Variants in RALGAPA2 observed in about 807,000 individuals in gnomAD.
RALGAPA2 encodes ral GTPase-activating protein subunit alpha-2.
In RALGAPA2, 139 loss-of-function variants were observed where a neutral mutation model predicts 230.4. The observed-to-expected ratio is 0.60, with a 90% CI of 0.53 to 0.69. RALGAPA2 has a LOEUF of 0.69. RALGAPA2 is among the 30% of genes least tolerant of loss of function. The pLI, the probability that RALGAPA2 is intolerant of heterozygous loss-of-function variation, is 0.00. For synonymous variants in RALGAPA2, 847 were observed against 837.8 expected (o/e 1.01, Z -0.19); for missense variants, 2,163 against 2,276.0 (o/e 0.95, Z 1.01).
intron 23 of RALGAPA2, among the ~76,000 whole-genome samples, chr20:20,564,116 C>T (rs2145860068): frequency 6.6e-6 from 1 of 152,322 alleles, no homozygotes; most frequent in South Asian, 2.1e-4. Flanking sequence ...CCTTCAACAG[C>T]TCCCCACTGT....
At chr20:20,543,090 G>A (rs901023269) in intron 24 of RALGAPA2, among the ~76,000 whole-genome samples, 41 of 152,036 alleles carry the variant, frequency 2.7e-4, no homozygotes, top group Non-Finnish European at 4.7e-4. Flanking sequence ...TGTCACCCAG[G>A]CTAGAGTGCA....
chr20:20,413,790 G>A (rs1358443189), intron 37 of RALGAPA2, among the ~76,000 whole-genome samples: 1 of 152,196 alleles, frequency 6.6e-6, no homozygotes, highest in Non-Finnish European at 1.5e-5. Context: ...TTATATAGAT[G>A]GGCACAACCG....
At chr20:20,406,950 T>C (rs1286945768) in intron 38 of RALGAPA2, among the ~76,000 whole-genome samples, 1 of 152,194 alleles carries the variant, frequency 6.6e-6, no homozygotes, top group Non-Finnish European at 1.5e-5. Flanking sequence ...AAAATTTGAC[T>C]CTGGCCTTTA....
At chr20:20,544,664 T>G (rs1045109473) in intron 24 of RALGAPA2, among the ~76,000 whole-genome samples, 1 of 152,188 alleles carries the variant, frequency 6.6e-6, no homozygotes, top group Non-Finnish European at 1.5e-5. Context: ...ATGTGGCATA[T>G]ATATACCATG....
At chr20:20,544,293 G>A (rs1482161501) in intron 24 of RALGAPA2, among the ~76,000 whole-genome samples, 2 of 151,396 alleles carry the variant, frequency 1.3e-5, no homozygotes, top group Non-Finnish European at 2.9e-5. Flanking sequence ...ATGGTGGCGG[G>A]TGCCTGTAGT....
At chr20:20,636,965 C>T (rs1163974565) in intron 8 of RALGAPA2, among the ~76,000 whole-genome samples, 3 of 152,178 alleles carry the variant, frequency 2.0e-5, no homozygotes, top group African/African-American at 7.2e-5. Flanking sequence ...AAAAGGCATA[C>T]AATGGCAGCT....
chr20:20,405,623 CT>C (rs2059929368), intron 38 of RALGAPA2, among the ~76,000 whole-genome samples: 1 of 152,212 alleles, frequency 6.6e-6, no homozygotes, highest in African/African-American at 2.4e-5. Flanking sequence ...TAAAGTGGTG[CT>C]AAACAAGGTG....
chr20:20,524,545 T>C lies in RALGAPA2; in HGVS notation c.3763-2A>G. 6.2e-7 allele frequency: 1 copy of C among 1,613,812 alleles called. No individual in the cohort carries two copies. The highest frequency in any genetic ancestry group is 1.3e-5 in the African/African-American group (1 of 75,010). On this transcript the variant is annotated splice_acceptor_variant, in intron 29 of 39. Transcript: ENST00000202677. LOFTEE classifies it high-confidence loss of function. ...GCAGAGTAGCAAGGACACAATAAAC[T>C]GGAAGAAGAACATGCCCGGTAGCTT...
chr20:20,399,202 C>A (rs759670841), intron 38 of RALGAPA2, among the ~76,000 whole-genome samples: 24 of 152,094 alleles, frequency 1.6e-4, no homozygotes, highest in Non-Finnish European at 2.1e-4. Context: ...AAAAAATCAG[C>A]TGGGTGTGGT....
At chr20:20,455,912 G>C (rs77261936) in intron 37 of RALGAPA2, among the ~76,000 whole-genome samples, 2,553 of 152,268 alleles carry the variant, frequency 0.017, 97 homozygotes, top group East Asian at 0.15. Flanking sequence ...CAAAACTCAT[G>C]ATTTTTGAAA....
intron 37 of RALGAPA2, among the ~76,000 whole-genome samples, chr20:20,466,389 C>T (rs916510287): frequency 2.0e-5 from 3 of 152,208 alleles, no homozygotes; most frequent in African/African-American, 4.8e-5. Context: ...GGTCTGCCCA[C>T]TCTGGTTTTT....
At chr20:20,641,040 C>T (rs1340207327) in intron 5 of RALGAPA2, among the ~76,000 whole-genome samples, 162 bp from the exon 6 acceptor site, 1 of 152,194 alleles carries the variant, frequency 6.6e-6, no homozygotes, top group Middle Eastern at 3.2e-3. Context: ...TGCTGCAATA[C>T]AGCACAAGAG....
At chr20:20,514,496 T>A (rs2328552) in intron 31 of RALGAPA2, among the ~76,000 whole-genome samples, 1 of 152,280 alleles carries the variant, frequency 6.6e-6, no homozygotes, top group South Asian at 2.1e-4. Context: ...CACATCCAGA[T>A]GGATCTCCAG....
At chr20:20,404,003 G>A (rs2059898913) in intron 38 of RALGAPA2, among the ~76,000 whole-genome samples, 1 of 152,218 alleles carries the variant, frequency 6.6e-6, no homozygotes. Flanking sequence ...GCTGAGTGCT[G>A]CGGGAAAGGC....
At chr20:20,547,777 C>G (rs920053395) in intron 23 of RALGAPA2, among the ~76,000 whole-genome samples, 1 of 152,142 alleles carries the variant, frequency 6.6e-6, no homozygotes, top group Non-Finnish European at 1.5e-5. Context: ...AGGATACATT[C>G]TAAGAAATGT....
At chr20:20,560,308 T>C (rs1470518619) in intron 23 of RALGAPA2, among the ~76,000 whole-genome samples, 1 of 152,260 alleles carries the variant, frequency 6.6e-6, no homozygotes, top group East Asian at 1.9e-4. Context: ...TATTAAAAGC[T>C]TCTCTTTTGC....
chr20:20,462,032 T>C (rs1325154722), intron 37 of RALGAPA2, among the ~76,000 whole-genome samples: 2 of 152,182 alleles, frequency 1.3e-5, no homozygotes, highest in Non-Finnish European at 2.9e-5. Context: ...AGGGACAACA[T>C]ATTCTGTGCT....
chr20:20,481,533 C>T (rs1360268168), intron 36 of RALGAPA2, among the ~76,000 whole-genome samples: 1 of 152,236 alleles, frequency 6.6e-6, no homozygotes, highest in Non-Finnish European at 1.5e-5. Context: ...GTGTTCATAA[C>T]AATGATATGG....
At position 20,693,814 on chromosome 20, in the gene RALGAPA2, T is replaced by C. The variant is rs529738605; in HGVS notation, c.107-13013A>G. Reference sequence around the variant, plus strand: ...TTCACCCAATTAAGTGTAATACTAATAGAAAGTTGGCCGGGCACGGTGGCT... The same window carrying C: ...TTCACCCAATTAAGTGTAATACTAACAGAAAGTTGGCCGGGCACGGTGGCT... On this transcript the variant is annotated intron_variant, in intron 1 of 39. Transcript: ENST00000202677. Among the ~76,000 whole-genome samples the C allele has an allele frequency of 2.6e-5, 4 of 152,104 alleles. No homozygotes were observed. The South Asian group carries it at 8.3e-4, about 32-fold the overall frequency.
Sources: gnomAD v4.1 joint callset for allele counts (sites outside exome capture counted in the v4.1 genomes callset) on GRCh38, gnomAD v4.1.1 for gene constraint, MANE v1.5 for transcripts, NCBI Gene and HGNC (gene_info 2026-07-23, HGNC 2026-07-21) for gene names.